CFAP144: variants seen among roughly 807,000 people sequenced by gnomAD.
The protein encoded by CFAP144 is cilia- and flagella-associated protein 144.
At chr1:43,150,582 T>C in the CFAP144 span, among the ~76,000 whole-genome samples, 4 of 152,186 alleles carry the variant, frequency 2.6e-5, no homozygotes, top group South Asian at 4.1e-4. Flanking sequence ...CCACTCTAGA[T>C]TGTGAGGTTC....
chr1:43,154,385 TACAC>T, the CFAP144 span, among the ~76,000 whole-genome samples: 6 of 85,332 alleles, frequency 7.0e-5, no homozygotes, highest in East Asian at 2.3e-3. Flanking sequence ...TATGTACATA[TACAC>T]ACACATATAT....
the CFAP144 span, among the ~76,000 whole-genome samples, chr1:43,143,632 A>C: frequency 6.6e-6 from 1 of 152,168 alleles, no homozygotes; most frequent in African/African-American, 2.4e-5. Flanking sequence ...GGTAGTGAGC[A>C]AGGAAGTCCA....
the CFAP144 span, among the ~76,000 whole-genome samples, chr1:43,151,398 G>C: frequency 1.3e-5 from 2 of 152,138 alleles, no homozygotes; most frequent in Non-Finnish European, 2.9e-5. Flanking sequence ...AAGAAGAAGA[G>C]AAGTAGACTT....
the CFAP144 span, chr1:43,145,177 A>G: frequency 1.6e-6 from 2 of 1,229,076 alleles, no homozygotes; most frequent in Non-Finnish European, 2.3e-6. Context: ...GAGGTTCTCT[A>G]CGTTTGAGAC....
chr1:43,156,087 C>T, the CFAP144 span: 8 of 790,178 alleles, frequency 1.0e-5, no homozygotes, highest in South Asian at 4.4e-5. Flanking sequence ...ATCTCCATTC[C>T]GCAATGCAGC....
chr1:43,148,012 C>T, the CFAP144 span: 1 of 1,613,988 alleles, frequency 6.2e-7, no homozygotes, highest in Admixed American at 1.7e-5. Context: ...CCAGATCTTG[C>T]GGGAACTGTA....
At chr1:43,152,426 G>A in the CFAP144 span, among the ~76,000 whole-genome samples, 4 of 152,126 alleles carry the variant, frequency 2.6e-5, no homozygotes, top group Non-Finnish European at 5.9e-5. Context: ...GCCTTCTCTC[G>A]CCACCCCATC....
chr1:43,153,993 A>G, the CFAP144 span, among the ~76,000 whole-genome samples: 174 of 147,918 alleles, frequency 1.2e-3, no homozygotes, highest in Non-Finnish European at 2.0e-3. Flanking sequence ...CTACATTACC[A>G]AGCAACTATT....
the CFAP144 span, chr1:43,156,271 C>T: frequency 6.2e-7 from 1 of 1,614,030 alleles, no homozygotes; most frequent in Middle Eastern, 1.6e-4. Context: ...TCACTCTGTA[C>T]AAGGCTAAAA....
chr1:43,156,267 T>C, the CFAP144 span: 2 of 1,614,028 alleles, frequency 1.2e-6, no homozygotes, highest in South Asian at 2.2e-5. Flanking sequence ...GACATCACTC[T>C]GTACAAGGCT....
chr1:43,154,179 T>C, the CFAP144 span, among the ~76,000 whole-genome samples: 1 of 141,584 alleles, frequency 7.1e-6, no homozygotes, highest in Non-Finnish European at 1.5e-5. Flanking sequence ...TTTATTTATA[T>C]ATGTAAATAT....
At chr1:43,149,739 T>G in the CFAP144 span, among the ~76,000 whole-genome samples, 1 of 152,264 alleles carries the variant, frequency 6.6e-6, no homozygotes. Flanking sequence ...ATATTACAAC[T>G]TGTATTGATT....
the CFAP144 span, chr1:43,148,183 A>G: frequency 1.5e-5 from 20 of 1,304,144 alleles, no homozygotes; most frequent in East Asian, 1.7e-4. Context: ...TCCCAGCAAA[A>G]ACTCTTTCCC....
the CFAP144 span, among the ~76,000 whole-genome samples, chr1:43,155,020 T>TAG: frequency 6.6e-6 from 1 of 151,932 alleles, no homozygotes. Context: ...ATATTAAAGG[T>TAG]AGGGGGTTCT....
chr1:43,151,739 T>TGA, the CFAP144 span, among the ~76,000 whole-genome samples: 1 of 151,986 alleles, frequency 6.6e-6, no homozygotes, highest in Non-Finnish European at 1.5e-5. Flanking sequence ...CAAAATTTGG[T>TGA]GAAGGACAGA....
the CFAP144 span, among the ~76,000 whole-genome samples, chr1:43,149,738 C>T: frequency 1.2e-4 from 19 of 152,312 alleles, no homozygotes; most frequent in African/African-American, 4.1e-4. Context: ...AATATTACAA[C>T]TTGTATTGAT....
the CFAP144 span, among the ~76,000 whole-genome samples, chr1:43,144,108 G>A: frequency 5.9e-5 from 9 of 152,194 alleles, no homozygotes; most frequent in Non-Finnish European, 1.2e-4. Context: ...CTTCAGCACC[G>A]CTCACCTAGG....
chr1:43,152,151 A>G, the CFAP144 span, among the ~76,000 whole-genome samples: 1 of 152,122 alleles, frequency 6.6e-6, no homozygotes, highest in Non-Finnish European at 1.5e-5. Context: ...TCCAAAGCCC[A>G]GGTTCATTCC....
chr1:43,152,146 A>C, the CFAP144 span, among the ~76,000 whole-genome samples: 1 of 152,210 alleles, frequency 6.6e-6, no homozygotes, highest in East Asian at 1.9e-4. Context: ...CTGACTCCAA[A>C]GCCCAGGTTC....
Sources: gnomAD v4.1 joint callset for allele counts (sites outside exome capture counted in the v4.1 genomes callset) on GRCh38, gnomAD v4.1.1 for gene constraint, MANE v1.5 for transcripts, NCBI Gene and HGNC (gene_info 2026-07-23, HGNC 2026-07-21) for gene names.